Variants in UNC5D observed in about 807,000 individuals in gnomAD.
UNC5D encodes the protein netrin receptor UNC5D.
In UNC5D, 39 loss-of-function variants were observed where a neutral mutation model predicts 105.4. That is an observed-to-expected ratio of 0.37 (90% CI 0.29 to 0.48). The LOEUF (loss-of-function observed/expected upper bound fraction) is 0.48, where lower values mean the gene tolerates loss of function less well. Among genes scored for constraint, UNC5D ranks in the 20% least tolerant of loss-of-function variants. The pLI, the probability that UNC5D is intolerant of heterozygous loss-of-function variation, is 0.98. For synonymous variants in UNC5D, 452 were observed against 450.4 expected, an observed-to-expected ratio of 1.00 and a Z score of -0.04; for missense variants, 991 against 1,202.4, an observed-to-expected ratio of 0.82 and a Z score of 2.60.
intron 1 of UNC5D, among the ~76,000 whole-genome samples, chr8:35,379,907 G>T (rs752368227): frequency 1.3e-5 from 2 of 151,644 alleles, no homozygotes; most frequent in Non-Finnish European, 2.9e-5. Flanking sequence ...TTTATATATC[G>T]TCTTAGGCAG....
intron 1 of UNC5D, among the ~76,000 whole-genome samples, chr8:35,429,518 G>A (rs1806481612): frequency 6.6e-6 from 1 of 151,806 alleles, no homozygotes; most frequent in Non-Finnish European, 1.5e-5. Flanking sequence ...AACTTGTTTT[G>A]TATTTTATTA....
intron 2 of UNC5D, among the ~76,000 whole-genome samples, chr8:35,566,367 C>T (rs976505108): frequency 2.6e-5 from 4 of 152,218 alleles, no homozygotes; most frequent in South Asian, 2.1e-4. Context: ...TAATCATGAT[C>T]CACCTCCTCC....
chr8:35,342,349 G>T (rs1034395078), intron 1 of UNC5D, among the ~76,000 whole-genome samples: 4 of 152,020 alleles, frequency 2.6e-5, no homozygotes, highest in African/African-American at 9.7e-5. Flanking sequence ...ATCACATAAT[G>T]TTATAGAATT....
chr8:35,543,542 G>A lies in UNC5D; in HGVS notation c.104-5750G>A, dbSNP rs559131315. Among the ~76,000 whole-genome samples, 16 of 152,248 alleles carry A rather than the reference G, an allele frequency of 1.1e-4. 1 individual carries two copies. Among genetic ancestry groups the A allele is most frequent in the Admixed American group, 5.9e-4 (9 of 15,286 alleles). The stretch of plus-strand genomic sequence containing the variant: ...TGTTTTTCTTGCTAATGTTCACCAC[G>A]TCCTTATATTTTAATTGGAATTTTA... On this transcript the variant is annotated intron_variant, in intron 1 of 16. Coordinates refer to ENST00000404895, the MANE Select transcript of UNC5D (RefSeq NM_080872.4).
Position 35,389,167 on chromosome 8 carries a change from T to G in UNC5D, c.103+153280T>G, listed in dbSNP as rs543095620. ...AACCACTTGTGGAATTTTAAAACAT[T>G]CAAAACCTTGGGGTCCATTTCTGGA... On this transcript the variant is annotated intron_variant, in intron 1 of 16. Transcript: ENST00000404895. Among the ~76,000 whole-genome samples the G allele has an allele frequency of 5.3e-5, 8 of 152,336 alleles. No individual in the cohort carries two copies. In the South Asian group the frequency reaches 1.7e-3, roughly 32 times the overall value.
At chr8:35,322,791 T>G (rs1809850704) in intron 1 of UNC5D, among the ~76,000 whole-genome samples, 1 of 152,334 alleles carries the variant, frequency 6.6e-6, no homozygotes, top group Non-Finnish European at 1.5e-5. Flanking sequence ...GTACGTACGA[T>G]TTCTTAAGCG....
chr8:35,696,282 A>ATTTTTTTTTTTTTTTTTTTTTTTTTTT (rs755876112), intron 7 of UNC5D, among the ~76,000 whole-genome samples: 1 of 113,224 alleles, frequency 8.8e-6, no homozygotes, highest in African/African-American at 3.4e-5. Flanking sequence ...TCAATATTTA[A>ATTTTTTTTTTTTTTTTTTTTTTTTTTT]TTTTTTTTTT....
intron 1 of UNC5D, among the ~76,000 whole-genome samples, chr8:35,283,592 G>A (rs1444965586): frequency 2.0e-5 from 3 of 151,694 alleles, no homozygotes; most frequent in African/African-American, 7.3e-5. Context: ...AAAACCCTGT[G>A]TCTACTAAAA....
At chr8:35,335,702 A>G (rs1810968962) in intron 1 of UNC5D, among the ~76,000 whole-genome samples, 1 of 151,908 alleles carries the variant, frequency 6.6e-6, no homozygotes, top group Non-Finnish European at 1.5e-5. Context: ...AATGAAATAC[A>G]TAGAATGTTA....
At chr8:35,269,146 A>T (rs1186291860) in intron 1 of UNC5D, among the ~76,000 whole-genome samples, 1 of 152,244 alleles carries the variant, frequency 6.6e-6, no homozygotes, top group African/African-American at 2.4e-5. Context: ...ATATGAATGT[A>T]GTAAATTATC....
chr8:35,301,954 C>T (rs545008678), intron 1 of UNC5D, among the ~76,000 whole-genome samples: 11 of 152,034 alleles, frequency 7.2e-5, no homozygotes, highest in South Asian at 2.1e-4. Context: ...TAAAATTATT[C>T]GACACGGACA....
At chr8:35,727,613 CTTCAT>C (rs1353861410) in intron 10 of UNC5D, 1 of 152,154 alleles carries the variant, frequency 6.6e-6, no homozygotes, top group African/African-American at 2.4e-5. Flanking sequence ...TCCTTAAAAT[CTTCAT>C]TTCAAAACAT....
intron 4 of UNC5D, among the ~76,000 whole-genome samples, chr8:35,642,486 C>T (rs1822803591): frequency 6.6e-6 from 1 of 151,156 alleles, no homozygotes; most frequent in African/African-American, 2.5e-5. Context: ...AAGTCTGAAC[C>T]CTGAGACAAA....
At chr8:35,384,337 G>A (rs1049475785) in intron 1 of UNC5D, among the ~76,000 whole-genome samples, 1 of 152,144 alleles carries the variant, frequency 6.6e-6, no homozygotes, top group Non-Finnish European at 1.5e-5. Context: ...GGGGCTCAAT[G>A]TGTATGTGAT....
intron 4 of UNC5D, among the ~76,000 whole-genome samples, chr8:35,605,724 T>C (rs1820249127): frequency 6.6e-6 from 1 of 152,202 alleles, no homozygotes; most frequent in Non-Finnish European, 1.5e-5. Flanking sequence ...ATTAACTCAA[T>C]CACTAGTTCT....
At chr8:35,418,349 C>T (rs1303575175) in intron 1 of UNC5D, among the ~76,000 whole-genome samples, 1 of 152,114 alleles carries the variant, frequency 6.6e-6, no homozygotes, top group Non-Finnish European at 1.5e-5. Flanking sequence ...GCCAACATTT[C>T]ATTTCATTTT....
intron 4 of UNC5D, among the ~76,000 whole-genome samples, chr8:35,659,557 A>C (rs1260671823): frequency 6.6e-6 from 1 of 152,168 alleles, no homozygotes; most frequent in Non-Finnish European, 1.5e-5. Flanking sequence ...CTGTTCCTCT[A>C]CTTATTGTTT....
At chr8:35,779,180 G>A (rs1563756978) in intron 16 of UNC5D, among the ~76,000 whole-genome samples, 1 of 152,170 alleles carries the variant, frequency 6.6e-6, no homozygotes, top group Admixed American at 6.5e-5. Flanking sequence ...CCTGTGATTG[G>A]TAGCTGGGTA....
Position 35,734,888 on chromosome 8 carries a change from TTCTC to T in UNC5D, c.1766+3796_1766+3799del, listed in dbSNP as rs1299526358. Among the ~76,000 whole-genome samples the T allele has an allele frequency of 6.6e-5, 10 of 151,280 alleles. 1 individual carries two copies. Among genetic ancestry groups the T allele is most frequent in the Non-Finnish European group, 1.5e-4 (10 of 67,938 alleles). ...ACCTCTGCCTCCCAGGTTCAAGTGA[TTCTC>T]TCTGCCTCAGCCTCCCGAGTAGCTG... On this transcript the variant is annotated intron_variant, in intron 11 of 16. Coordinates refer to ENST00000404895, the MANE Select transcript of UNC5D (RefSeq NM_080872.4).
Sources: allele counts gnomAD v4.1 joint callset (sites outside exome capture counted in the v4.1 genomes callset), GRCh38; gene constraint gnomAD v4.1.1; transcripts MANE v1.5; gene names NCBI Gene and HGNC (gene_info 2026-07-23, HGNC 2026-07-21).